FAAH2: variants seen among roughly 807,000 people sequenced by gnomAD.
The protein encoded by FAAH2 is fatty acid amide hydrolase 2, also known as fatty-acid amide hydrolase 2.
In FAAH2, 60 loss-of-function variants were observed where a neutral mutation model predicts 36.9. The observed-to-expected ratio is 1.63, with a 90% CI of 1.32 to 2.02. The LOEUF (loss-of-function observed/expected upper bound fraction) is 2.02. Among genes scored for constraint, FAAH2 ranks in the 30% most tolerant of loss-of-function variants. FAAH2 has a pLI of 0.00. For missense variants in FAAH2, 689 were observed against 397.5 expected (o/e 1.73, Z -6.23); for synonymous variants, 214 against 143.8 (o/e 1.49, Z -3.49).
intron 10 of FAAH2, among the ~76,000 whole-genome samples, chrX:57,481,231 G>A (rs949114733): frequency 9.0e-6 from 1 of 111,096 alleles, no homozygotes; most frequent in African/African-American, 3.3e-5. Context: ...ACATACTGAA[G>A]CCTACTTCTG....
chrX:57,355,081 A>G (rs1480614583), intron 5 of FAAH2, among the ~76,000 whole-genome samples: 1 of 110,786 alleles, frequency 9.0e-6, no homozygotes, highest in Non-Finnish European at 1.9e-5. Flanking sequence ...TTGAATTGTA[A>G]CTATGCCTGT....
At chrX:57,202,199 A>G in the FAAH2 span, among the ~76,000 whole-genome samples, 1 of 111,962 alleles carries the variant, frequency 8.9e-6, no homozygotes, top group East Asian at 2.8e-4. Flanking sequence ...ATACTTGTAA[A>G]TGTTCATTAG....
At chrX:57,208,784 A>G in the FAAH2 span, among the ~76,000 whole-genome samples, 3 of 112,116 alleles carry the variant, frequency 2.7e-5, no homozygotes, top group Non-Finnish European at 5.6e-5. Context: ...ATGGGCCATA[A>G]CAAAGGGATG....
intron 5 of FAAH2, among the ~76,000 whole-genome samples, chrX:57,365,798 A>G (rs1190778425): frequency 9.0e-6 from 1 of 111,563 alleles, no homozygotes. Flanking sequence ...ATCAAAGGAG[A>G]AGTTTCTGAG....
chrX:57,302,516 A>G (rs1413031905), intron 2 of FAAH2, among the ~76,000 whole-genome samples: 1 of 111,193 alleles, frequency 9.0e-6, no homozygotes, highest in Non-Finnish European at 1.9e-5. Flanking sequence ...GCACAGTGGA[A>G]TTAGTGCTCT....
chrX:57,152,985 G>A, the FAAH2 span, among the ~76,000 whole-genome samples: 1 of 108,543 alleles, frequency 9.2e-6, no homozygotes, highest in Non-Finnish European at 1.9e-5. Context: ...CACTATTATC[G>A]TCTTGCTATC....
intron 7 of FAAH2, among the ~76,000 whole-genome samples, chrX:57,412,795 C>T (rs150159989): frequency 2.7e-3 from 306 of 111,826 alleles, no homozygotes; most frequent in African/African-American, 9.3e-3. Context: ...CGAGGAATCA[C>T]CACACTGTCT....
chrX:57,443,976 T>C (rs143545533), intron 8 of FAAH2, among the ~76,000 whole-genome samples: 55 of 111,885 alleles, frequency 4.9e-4, no homozygotes, highest in African/African-American at 1.4e-3. Context: ...CTCTGGAAGC[T>C]TCATCTCAGG....
At chrX:57,148,184 G>C in the FAAH2 span, among the ~76,000 whole-genome samples, 1 of 111,152 alleles carries the variant, frequency 9.0e-6, no homozygotes, top group African/African-American at 3.3e-5. Flanking sequence ...ATAGTTTGAA[G>C]TCAGGTAGCA....
At chrX:57,203,448 T>A in the FAAH2 span, among the ~76,000 whole-genome samples, 3 of 111,991 alleles carry the variant, frequency 2.7e-5, no homozygotes, top group Non-Finnish European at 5.6e-5. Flanking sequence ...ATCATGAACA[T>A]GTCACGGTGC....
intron 8 of FAAH2, among the ~76,000 whole-genome samples, chrX:57,442,548 C>T (rs1392236281): frequency 2.7e-5 from 3 of 111,821 alleles, no homozygotes; most frequent in Non-Finnish European, 3.8e-5. Flanking sequence ...ACTGATGTGT[C>T]TTGACTCTCT....
At chrX:57,417,711 G>C (rs184518709) in intron 7 of FAAH2, among the ~76,000 whole-genome samples, 1 of 111,894 alleles carries the variant, frequency 8.9e-6, no homozygotes, top group Non-Finnish European at 1.9e-5. Context: ...CAGCAGTCAG[G>C]GATCCACTTG....
the FAAH2 span, among the ~76,000 whole-genome samples, chrX:57,273,959 A>G: frequency 4.5e-5 from 5 of 111,611 alleles, no homozygotes; most frequent in Admixed American, 4.8e-4. Context: ...CCAAAAAATC[A>G]ATGAATTCAG....
chrX:57,443,076 A>T (rs1485541982), intron 8 of FAAH2, among the ~76,000 whole-genome samples: 1 of 111,355 alleles, frequency 9.0e-6, no homozygotes, highest in East Asian at 2.8e-4. Flanking sequence ...GGTGAATCTC[A>T]TAATTATGTC....
At chrX:57,464,927 G>A (rs1329275320) in intron 10 of FAAH2, among the ~76,000 whole-genome samples, 9 of 111,386 alleles carry the variant, frequency 8.1e-5, no homozygotes. Context: ...GGACTTAGAA[G>A]ACAAATAATA....
intron 5 of FAAH2, among the ~76,000 whole-genome samples, chrX:57,358,724 T>C (rs2054219415): frequency 9.0e-6 from 1 of 111,392 alleles, no homozygotes; most frequent in South Asian, 3.7e-4. Flanking sequence ...AGTATTTAGG[T>C]GGATAAATAT....
intron 10 of FAAH2, among the ~76,000 whole-genome samples, chrX:57,487,250 G>A (rs1399514892): frequency 3.7e-5 from 4 of 109,183 alleles, no homozygotes; most frequent in African/African-American, 1.3e-4. Context: ...AGCTTCAAAA[G>A]CCCAGGCAAT....
intron 9 of FAAH2, among the ~76,000 whole-genome samples, chrX:57,448,234 G>A (rs1344773543): frequency 1.8e-5 from 2 of 112,324 alleles, no homozygotes; most frequent in African/African-American, 6.5e-5. Context: ...GCCTTGAGAA[G>A]TGCTGGGATT....
chrX:57,299,834 C>A (rs1193310883), intron 2 of FAAH2, among the ~76,000 whole-genome samples: 2 of 111,664 alleles, frequency 1.8e-5, no homozygotes, highest in East Asian at 5.6e-4. Context: ...AGAGCCAAAT[C>A]ATAAGTGAAC....
Sources: gnomAD v4.1 joint callset for allele counts (sites outside exome capture counted in the v4.1 genomes callset) on GRCh38, gnomAD v4.1.1 for gene constraint, MANE v1.5 for transcripts, NCBI Gene and HGNC (gene_info 2026-07-23, HGNC 2026-07-21) for gene names.